The following MAPK8IP1 variants were observed in gnomAD, a reference collection of about 807,000 sequenced individuals.
The protein encoded by MAPK8IP1 is mitogen-activated protein kinase 8 interacting protein 1.
Under a neutral mutation model 72.6 loss-of-function variants are expected in MAPK8IP1, and 17 were observed. That is an observed-to-expected ratio of 0.23 (90% confidence interval 0.16 to 0.35). The LOEUF is 0.35. Ranked by LOEUF, MAPK8IP1 falls within the 10% of genes least tolerant of loss-of-function variation. The pLI is 1.00. For synonymous variants in MAPK8IP1, 401 were observed against 443.4 expected (o/e 0.90, Z 1.20); for missense variants, 789 against 1,009.7 (o/e 0.78, Z 2.96).
Position 45,898,071 on chromosome 11 carries a change from C to T in MAPK8IP1, c.102-14C>T. On this transcript the variant is annotated splice_polypyrimidine_tract_variant and intron_variant, in intron 1 of 11. Transcript: ENST00000241014. Reference sequence around the variant, plus strand: ...TGCCCCTGAGTTGTAACTTTGGCTTCCTGTCCCCACCAGGCTCACCCATGA... The same window carrying T: ...TGCCCCTGAGTTGTAACTTTGGCTTTCTGTCCCCACCAGGCTCACCCATGA... 2.5e-6 allele frequency: 4 copies of T among 1,585,996 alleles called. No individual in the cohort carries two copies. Among genetic ancestry groups the T allele is most frequent in the South Asian group, 1.1e-5 (1 of 90,414 alleles).
At chr11:45,895,320 C>T (rs1401286413) in intron 1 of MAPK8IP1, among the ~76,000 whole-genome samples, 4 of 152,054 alleles carry the variant, frequency 2.6e-5, no homozygotes, top group Non-Finnish European at 5.9e-5. Flanking sequence ...TGTGAGGAGA[C>T]ACAGATGTGT....
chr11:45,904,382 C>A lies in MAPK8IP1; in HGVS notation c.1667-73C>A. On this transcript the variant is annotated intron_variant, in intron 7 of 11. Coordinates refer to ENST00000241014, the MANE Select transcript of MAPK8IP1 (RefSeq NM_005456.4). The surrounding 1 kb of genome is among the most constrained non-coding windows in gnomAD (Gnocchi z 6.4). ...GCTCTGCCATTCCCCGTGCCTCACC[C>A]ACCCTCCTTCACTTGGCTGCTCAGC... is the stretch of plus-strand genomic sequence containing the variant. The A allele has an allele frequency of 7.4e-7, 1 of 1,343,686 alleles. No homozygotes were observed. Among genetic ancestry groups the A allele is most frequent in the Non-Finnish European group, 1.1e-6 (1 of 944,400 alleles). 83.2% of individuals were successfully genotyped at this position (1,343,686 alleles called of 1,614,324 possible). A position where few individuals can be genotyped will look rare whatever the true frequency, so the allele number is the denominator to read the frequency against.
At position 45,900,247 on chromosome 11, in the gene MAPK8IP1, C is replaced by A; in HGVS notation, c.317C>A (p.Ala106Asp). The A allele has an allele frequency of 1.5e-6, 2 of 1,333,462 alleles. No homozygotes were observed. The highest frequency in any genetic ancestry group is 3.9e-5 in the South Asian group (2 of 51,510). The allele number at this position is 1,333,462 out of a possible 1,614,324, so 82.6% of individuals were successfully genotyped here. A position where few individuals can be genotyped will look rare whatever the true frequency, so the allele number is the denominator to read the frequency against. Reference protein sequence around the residue: ...LIDATGDTPGAEDDEEDDDEE... With the variant: ...LIDATGDTPGDEDDEEDDDEE... ...GACGCGACGGGGGACACTCCCGGGG[C>A]CGAGGACGACGAGGAGGACGACGAC... Residue 106 changes from alanine (A) to aspartate (D), a missense_variant, in exon 3 of 12, where the codon GCC (alanine) becomes GAC (aspartate). By Grantham distance (126) the Ala-to-Asp change is moderately radical. This residue lies in a region of MAPK8IP1 where 112 missense variants were observed against 192.8 expected (regional missense o/e 0.58). Transcript: ENST00000241014. This position sits in a 1 kb window ranked among gnomAD's most constrained non-coding sequence, Gnocchi z 6.5.
At chr11:45,895,562 G>T (rs182923418) in intron 1 of MAPK8IP1, among the ~76,000 whole-genome samples, 199 of 150,894 alleles carry the variant, frequency 1.3e-3, no homozygotes, top group African/African-American at 4.4e-3. Context: ...AGAGGCTGCG[G>T]TGAGCCAAGA....
chr11:45,898,221 G>A, intron 2 of MAPK8IP1, 31 bp downstream of exon 2: 1 of 1,514,440 alleles, frequency 6.6e-7, no homozygotes, highest in Non-Finnish European at 9.2e-7. Flanking sequence ...GCTCCTGAGT[G>A]GGGTGGCAGG....
At chr11:45,896,965 G>A (rs1419070509) in intron 1 of MAPK8IP1, 1 of 1,561,668 alleles carries the variant, frequency 6.4e-7, no homozygotes, top group Non-Finnish European at 8.7e-7. Context: ...GGGCTACCGG[G>A]GCTGGCGGGG....
chr11:45,906,160 C>T lies in MAPK8IP1; in HGVS notation c.*439C>T, dbSNP rs929491352. ...CGCCCTGCCCCTGCCCCAACCCCCA[C>T]CGAAGAGCCCTGAGCTCAGGCTGAG... On this transcript the variant is annotated 3_prime_UTR_variant, in exon 12 of 12. Transcript: ENST00000241014. 5 of 335,480 alleles carry T rather than the reference C, an allele frequency of 1.5e-5. No homozygotes were observed. In the South Asian group the frequency reaches 1.7e-4, roughly 11 times the overall value. 20.8% of individuals were successfully genotyped at this position (335,480 alleles called of 1,614,324 possible).
In MAPK8IP1 at chr11:45,902,563, C is replaced by T. The variant is rs1242418964; in HGVS notation, c.796C>T (p.Arg266Ter). Residue 266 changes from arginine (R) to a stop codon, truncating the protein, a stop_gained, in exon 5 of 12, where the codon CGA becomes TGA. Transcript: ENST00000241014. LOFTEE classifies it high-confidence loss of function. The surrounding 1 kb of genome is among the most constrained non-coding windows in gnomAD (Gnocchi z 9.3). ...PGGRGHSHRDRIHYQADVRLE... is the reference protein window; with the variant it reads ...PGGRGHSHRD ...GGGTCGGGGCCACTCGCATCGAGAC[C>T]GAATCCACTACCAGGCCGATGTGCG... 1.2e-6 allele frequency: 2 copies of T among 1,612,618 alleles called. No homozygotes were observed. The highest frequency in any genetic ancestry group is 1.7e-6 in the Non-Finnish European group (2 of 1,179,832).
chr11:45,887,423 CAT>C (rs1245157561), intron 1 of MAPK8IP1, among the ~76,000 whole-genome samples: 10 of 152,198 alleles, frequency 6.6e-5, no homozygotes, highest in Non-Finnish European at 1.0e-4. Flanking sequence ...CTTTAACCCT[CAT>C]AACTGCCCCA....
At position 45,903,175 on chromosome 11, in the gene MAPK8IP1, C is replaced by T. The variant is rs756642089; in HGVS notation, c.1408C>T (p.Arg470Cys). 10 of 1,601,152 alleles carry T rather than the reference C, an allele frequency of 6.2e-6. No homozygotes were observed. The highest frequency in any genetic ancestry group is 1.7e-5 in the Admixed American group (1 of 59,756). The change falls in exon 5 of 12, where the codon CGC (arginine) becomes TGC (cysteine). Residue 470 changes from arginine (R) to cysteine (C), a missense_variant. Arg to Cys is a radical substitution (Grantham distance 180, BLOSUM62 -3). Transcript: ENST00000241014. This position sits in a 1 kb window ranked among gnomAD's most constrained non-coding sequence, Gnocchi z 6.4. ...GAACGTCTTCATGAGTGGCCGCTCCCGCTCCTCCAGTGAGTCAGCAAGGGG... is the reference window on the plus strand; with the variant it reads ...GAACGTCTTCATGAGTGGCCGCTCCTGCTCCTCCAGTGAGTCAGCAAGGGG... Reference protein sequence around the residue: ...FLNVFMSGRSRSSSAESFGLF... With the variant: ...FLNVFMSGRSCSSSAESFGLF...
In MAPK8IP1 at chr11:45,897,016, CTCTGA is replaced by C; in HGVS notation, c.102-1063_102-1059del. On this transcript the variant is annotated intron_variant, in intron 1 of 11. Coordinates refer to ENST00000241014, the MANE Select transcript of MAPK8IP1 (RefSeq NM_005456.4). ...GGGTGAGCTCCATCGAGCTCAGGGT[CTCTGA>C]TCTGAATGAGGCGAGTGGCAGGGAG... 4 of 1,514,216 alleles carry C rather than the reference CTCTGA, an allele frequency of 2.6e-6. No individual in the cohort carries two copies. The South Asian group carries it at 4.8e-5, about 18-fold the overall frequency. The allele number at this position is 1,514,216 out of a possible 1,614,324, so 93.8% of individuals were successfully genotyped here. A position where few individuals can be genotyped will look rare whatever the true frequency, so the allele number is the denominator to read the frequency against.
At chr11:45,886,297 G>T (rs1045474278) in intron 1 of MAPK8IP1, among the ~76,000 whole-genome samples, 2 of 152,250 alleles carry the variant, frequency 1.3e-5, no homozygotes, top group Non-Finnish European at 2.9e-5. Context: ...ATAGAGCTGG[G>T]AACAGCCTGG....
At chr11:45,886,649 C>G (rs754867787) in intron 1 of MAPK8IP1, among the ~76,000 whole-genome samples, 2 of 152,190 alleles carry the variant, frequency 1.3e-5, no homozygotes, top group East Asian at 1.9e-4. Flanking sequence ...CCCCCACCCC[C>G]CAATCTGGTG....
rs1237337092 is a variant in MAPK8IP1, at chr11:45,900,549, A to G, written c.522+97A>G. ...AGCGGGAAGGGGCACCCACGGGTCC[A>G]GTGCCTGGGGACAGCGCCTGCATAG... On this transcript the variant is annotated intron_variant, in intron 3 of 11. Coordinates refer to ENST00000241014, the MANE Select transcript of MAPK8IP1 (RefSeq NM_005456.4). The surrounding 1 kb of genome is among the most constrained non-coding windows in gnomAD (Gnocchi z 6.5). 1.4e-6 allele frequency: 2 copies of G among 1,405,794 alleles called. No individual in the cohort carries two copies. The highest frequency in any genetic ancestry group is 3.0e-5 in the African/African-American group (2 of 67,714). The allele number at this position is 1,405,794 out of a possible 1,614,324, so 87.1% of individuals were successfully genotyped here.
At position 45,900,478 on chromosome 11, in the gene MAPK8IP1, G is replaced by T; in HGVS notation, c.522+26G>T. On this transcript the variant is annotated intron_variant, in intron 3 of 11. Coordinates refer to ENST00000241014, the MANE Select transcript of MAPK8IP1 (RefSeq NM_005456.4). This position sits in a 1 kb window ranked among gnomAD's most constrained non-coding sequence, Gnocchi z 6.5. ...GTGAGGCGCCAACGTGGGGGGCGGC[G>T]CCCTGGGCCGCCGCGGAGATGTGAG... is the stretch of plus-strand genomic sequence containing the variant. 1.3e-6 allele frequency: 2 copies of T among 1,529,874 alleles called. No homozygotes were observed. Among genetic ancestry groups the T allele is most frequent in the Non-Finnish European group, 1.7e-6 (2 of 1,144,350 alleles). 94.8% of individuals were successfully genotyped at this position (1,529,874 alleles called of 1,614,324 possible).
chr11:45,903,387 C>T lies in MAPK8IP1; in HGVS notation c.1440C>T (p.Phe480=), dbSNP rs748042782. The stretch of plus-strand genomic sequence containing the variant: ...CAGGTGCTGAGTCCTTCGGGCTGTT[C>T]TCCTGCATCATCAACGGGGAGGAGC... ...RSSSAESFGL[F]SCIINGEEQE... The change falls in exon 6 of 12, where the codon TTC becomes TTT. Residue 480 remains phenylalanine, a synonymous_variant. Coordinates refer to ENST00000241014, the MANE Select transcript of MAPK8IP1 (RefSeq NM_005456.4). The surrounding 1 kb of genome is among the most constrained non-coding windows in gnomAD (Gnocchi z 6.4). 8.7e-6 allele frequency: 14 copies of T among 1,613,778 alleles called. No individual in the cohort carries two copies. The highest frequency in any genetic ancestry group is 1.2e-5 in the Non-Finnish European group (14 of 1,180,018).
rs971367978 is a variant in MAPK8IP1 at position 45,900,151 on chromosome 11, G to C, written c.221G>C (p.Gly74Ala). Reference sequence around the variant, plus strand: ...TGCGCTGTGCAGCCCCCGCGCGCCGGGCTGCTCTCTGCGGGCGGCGGCGGC... The same window carrying C: ...TGCGCTGTGCAGCCCCCGCGCGCCGCGCTGCTCTCTGCGGGCGGCGGCGGC... The part of the protein sequence containing the change: ...DTLSLRPPRA[G>A]LLSAGGGGAG... The change falls in exon 3 of 12, where the codon GGG becomes GCG. Residue 74 changes from glycine to alanine, a missense_variant. By Grantham distance (60) the Gly-to-Ala change is moderately conservative. This residue lies in a region of MAPK8IP1 where 112 missense variants were observed against 111.8 expected (regional missense o/e 1.00). Coordinates refer to ENST00000241014, the MANE Select transcript of MAPK8IP1 (RefSeq NM_005456.4). This position sits in a 1 kb window ranked among gnomAD's most constrained non-coding sequence, Gnocchi z 6.5. The C allele has an allele frequency of 7.7e-7, 1 of 1,299,504 alleles. No individual in the cohort carries two copies. The highest frequency in any genetic ancestry group is 9.7e-7 in the Non-Finnish European group (1 of 1,030,870). 80.5% of individuals were successfully genotyped at this position (1,299,504 alleles called of 1,614,324 possible). A position where few individuals can be genotyped will look rare whatever the true frequency, so the allele number is the denominator to read the frequency against.
chr11:45,905,468 A>G (rs2086700195), intron 11 of MAPK8IP1, among the ~76,000 whole-genome samples, 181 bp from the exon 12 acceptor site: 1 of 152,200 alleles, frequency 6.6e-6, no homozygotes, highest in Non-Finnish European at 1.5e-5. Flanking sequence ...CATGTCTTCA[A>G]CTGACATCTT....
intron 1 of MAPK8IP1, among the ~76,000 whole-genome samples, chr11:45,892,979 A>G (rs2086578179): frequency 6.6e-6 from 1 of 152,170 alleles, no homozygotes; most frequent in Non-Finnish European, 1.5e-5. Flanking sequence ...AGAGGGCTGC[A>G]AAGAGGCAGG....
Sources: gnomAD v4.1 joint callset for allele counts (sites outside exome capture counted in the v4.1 genomes callset) on GRCh38, gnomAD v4.1.1 for gene constraint, gnomAD v4.1.1 regional missense constraint, Gnocchi (gnomAD v3.1) non-coding constraint, MANE v1.5 for transcripts, NCBI Gene and HGNC (gene_info 2026-07-23, HGNC 2026-07-21) for gene names.